BORCS8: variants seen among roughly 807,000 people sequenced by gnomAD.
The protein encoded by BORCS8 is BLOC-1-related complex subunit 8.
A neutral mutation model predicts 18.7 loss-of-function variants in BORCS8; 13 were observed. The observed-to-expected ratio is 0.70, with a 90% CI of 0.45 to 1.11. The LOEUF (loss-of-function observed/expected upper bound fraction) is 1.11, where lower values mean the gene tolerates loss of function less well. BORCS8 is among the 50% of genes least tolerant of loss of function. The pLI, the probability that BORCS8 is intolerant of heterozygous loss-of-function variation, is 0.00. For synonymous variants in BORCS8, 68 were observed against 64.8 expected, an observed-to-expected ratio of 1.05 and a Z score of -0.24; for missense variants, 165 against 165.7, an observed-to-expected ratio of 1.00 and a Z score of 0.02.
intron 3 of BORCS8, among the ~76,000 whole-genome samples, chr19:19,185,291 C>T (rs2060394918): frequency 6.6e-6 from 1 of 152,248 alleles, no homozygotes; most frequent in Non-Finnish European, 1.5e-5. Flanking sequence ...AGTCGAGGAA[C>T]TTCCAAGGCC....
At chr19:19,184,408 C>T (rs2060386527) in intron 3 of BORCS8, among the ~76,000 whole-genome samples, 2 of 148,522 alleles carry the variant, frequency 1.3e-5, no homozygotes, top group South Asian at 4.3e-4. Context: ...CGGGTTCATG[C>T]CATTCTCCTG....
intron 5 of BORCS8, chr19:19,178,901 A>G (rs1568562965): frequency 6.6e-6 from 1 of 150,478 alleles, no homozygotes; most frequent in Non-Finnish European, 1.5e-5. Context: ...CAGAGGTTAC[A>G]CTGAACCGAG....
chr19:19,185,888 G>A, intron 3 of BORCS8, 146 bp downstream of exon 3: 1 of 770,002 alleles, frequency 1.3e-6, no homozygotes, highest in Non-Finnish European at 2.1e-6. Context: ...CCCTGGCCAA[G>A]TGAATCGTGG....
intron 3 of BORCS8, 48 bp downstream of exon 3, chr19:19,185,986 C>G: frequency 6.5e-7 from 1 of 1,536,428 alleles, no homozygotes. Flanking sequence ...GCCCAGGAGG[C>G]CAGAGCAGCA....
In BORCS8 at chr19:19,183,097, G is replaced by A. The variant is rs183437856; in HGVS notation, c.216-414C>T. ...TTGAGACCAGCCTGGGCAACACAGC[G>A]AGACCCCATCTCTTAAAAAGAAAAA... On this transcript the variant is annotated intron_variant, in intron 3 of 5. Transcript: ENST00000462790. Among the ~76,000 whole-genome samples the A allele has an allele frequency of 5.3e-5, 8 of 152,246 alleles. 1 individual carries two copies. Among genetic ancestry groups the A allele is most frequent in the South Asian group, 4.2e-4 (2 of 4,818 alleles).
chr19:19,177,698 GAAAAGAAAAGA>G (rs1568562068), intron 5 of BORCS8: 469 of 39,252 alleles, frequency 0.012, 4 homozygotes, highest in Admixed American at 0.016. Flanking sequence ...GGAAGGAAGA[GAAAAGAAAAGA>G]AAAGAAAAGA....
At chr19:19,188,935 G>A (rs1453468633) in intron 1 of BORCS8, among the ~76,000 whole-genome samples, 2 of 151,518 alleles carry the variant, frequency 1.3e-5, no homozygotes, top group East Asian at 1.9e-4. Flanking sequence ...CCCGGGTTCA[G>A]GTGATTCTCC....
In BORCS8 at chr19:19,183,793, C is replaced by T. The variant is rs927401848; in HGVS notation, c.216-1110G>A. On this transcript the variant is annotated intron_variant, in intron 3 of 5. Coordinates refer to ENST00000462790, the MANE Select transcript of BORCS8 (RefSeq NM_001145784.2). ...ACATGTTGGTCAGGCTGGTCTCAAA[C>T]TCCTGACCTCAGGGGATCCTCCTGC... Among the ~76,000 whole-genome samples the T allele has an allele frequency of 2.0e-5, 3 of 150,696 alleles. No homozygotes were observed. The South Asian group carries it at 6.3e-4, about 32-fold the overall frequency.
chr19:19,189,152 C>A (rs12459686), intron 1 of BORCS8, among the ~76,000 whole-genome samples: 59,017 of 151,866 alleles, frequency 0.39, 11,727 homozygotes, highest in Non-Finnish European at 0.42. Context: ...TAATTGCACG[C>A]AAATCCTCAT....
At chr19:19,179,284 C>T (rs1315426612) in intron 5 of BORCS8, 2 of 152,670 alleles carry the variant, frequency 1.3e-5, no homozygotes, top group African/African-American at 4.8e-5. Context: ...CTTCAGGCCC[C>T]CTGGAAAGCT....
At chr19:19,191,932 A>G (rs2060487003) in intron 1 of BORCS8, 149 bp downstream of exon 1, 1 of 906,528 alleles carries the variant, frequency 1.1e-6, no homozygotes, top group Non-Finnish European at 1.7e-6. Flanking sequence ...GAGCCTTTCT[A>G]CAGGTTTCAA....
At chr19:19,189,282 C>T (rs1459004472) in intron 1 of BORCS8, among the ~76,000 whole-genome samples, 3 of 152,112 alleles carry the variant, frequency 2.0e-5, no homozygotes, top group South Asian at 2.1e-4. Flanking sequence ...CCACACTGCC[C>T]GCACCGGTCC....
At chr19:19,178,286 CG>C in intron 5 of BORCS8, 1 of 152,374 alleles carries the variant, frequency 6.6e-6, no homozygotes. Flanking sequence ...CTGGAGGCTC[CG>C]GGCAGGTGCA....
chr19:19,182,514 C>T lies in BORCS8; in HGVS notation c.326+59G>A. 1.3e-6 allele frequency: 2 copies of T among 1,529,130 alleles called. No homozygotes were observed. The highest frequency in any genetic ancestry group is 2.4e-5 in the South Asian group (2 of 83,160). 94.7% of individuals were successfully genotyped at this position (1,529,130 alleles called of 1,614,324 possible). ...CGAGAAGCAGCGGTTCCCAGCGCAG[C>T]TGAGAGACGGTCCTTGCAGCTGGGA... On this transcript the variant is annotated intron_variant, in intron 4 of 5. Transcript: ENST00000462790. This position sits in a 1 kb window ranked among gnomAD's most constrained non-coding sequence, Gnocchi z 4.1.
At chr19:19,180,827 C>G (rs2060341473) in intron 4 of BORCS8, 66 bp from the exon 5 acceptor site, 1 of 1,470,350 alleles carries the variant, frequency 6.8e-7, no homozygotes. Context: ...GCTCAGCTGG[C>G]TGGAGTGTAT....
intron 3 of BORCS8, among the ~76,000 whole-genome samples, chr19:19,185,729 TC>T (rs1174291129): frequency 6.6e-6 from 1 of 152,160 alleles, no homozygotes; most frequent in Non-Finnish European, 1.5e-5. Context: ...GCTTTGGGCT[TC>T]CCCCTGGCTG....
chr19:19,177,096 TC>T lies in BORCS8; in HGVS notation c.*406del, dbSNP rs1392867480. On this transcript the variant is annotated 3_prime_UTR_variant, in exon 6 of 6. Coordinates refer to ENST00000462790, the MANE Select transcript of BORCS8 (RefSeq NM_001145784.2). ...TGGTAGAACTCCCAGGAAAGGTCGCTCATTGGGTCACGTGTCCATCTCAAAC... is the reference window on the plus strand; with the variant it reads ...TGGTAGAACTCCCAGGAAAGGTCGCTATTGGGTCACGTGTCCATCTCAAAC... The T allele has an allele frequency of 6.6e-6, 1 of 152,062 alleles. No individual in the cohort carries two copies. Among genetic ancestry groups the T allele is most frequent in the East Asian group, 1.9e-4 (1 of 5,168 alleles). The allele number at this position is 152,062 out of a possible 1,614,324, so 9.4% of individuals were successfully genotyped here. A position where few individuals can be genotyped will look rare whatever the true frequency, so the allele number is the denominator to read the frequency against.
intron 1 of BORCS8, among the ~76,000 whole-genome samples, chr19:19,191,423 T>C (rs2060474565): frequency 6.8e-6 from 1 of 147,382 alleles, no homozygotes; most frequent in East Asian, 2.0e-4. Context: ...GCCAGAGAGA[T>C]CGAGGCTACA....
At chr19:19,188,424 C>T (rs1037350909) in intron 1 of BORCS8, among the ~76,000 whole-genome samples, 17 of 152,152 alleles carry the variant, frequency 1.1e-4, no homozygotes, top group African/African-American at 4.1e-4. Flanking sequence ...TCCCAAAGTG[C>T]TGGGATTATA....
Sources: gnomAD v4.1 joint callset for allele counts (sites outside exome capture counted in the v4.1 genomes callset) on GRCh38, gnomAD v4.1.1 for gene constraint, Gnocchi (gnomAD v3.1) non-coding constraint, MANE v1.5 for transcripts, NCBI Gene and HGNC (gene_info 2026-07-23, HGNC 2026-07-21) for gene names.